The following NOL4L variants were observed in gnomAD, a reference collection of about 807,000 sequenced individuals.
NOL4L encodes the protein nucleolar protein 4 like, also known as nucleolar protein 4-like.
A neutral mutation model predicts 64.5 loss-of-function variants in NOL4L; 7 were observed. The observed-to-expected ratio is 0.11, with a 90% CI of 0.06 to 0.20. The LOEUF (loss-of-function observed/expected upper bound fraction) is 0.20, where lower values mean the gene tolerates loss of function less well. NOL4L is among the 10% of genes least tolerant of loss of function. NOL4L has a pLI of 1.00. For synonymous variants in NOL4L, 413 were observed against 401.0 expected (o/e 1.03, Z -0.36); for missense variants, 680 against 967.1 (o/e 0.70, Z 3.94).
chr20:32,493,541 A>T (rs1189178838), intron 4 of NOL4L, among the ~76,000 whole-genome samples: 1 of 152,166 alleles, frequency 6.6e-6, no homozygotes, highest in East Asian at 1.9e-4. Flanking sequence ...CCTCATCTCT[A>T]AAATGAGGAA....
At chr20:32,559,673 T>C (rs11908552) in intron 1 of NOL4L, among the ~76,000 whole-genome samples, 3,973 of 152,334 alleles carry the variant, frequency 0.026, 171 homozygotes, top group African/African-American at 0.088. Flanking sequence ...GCGCCAGGAC[T>C]GGAATGCATG....
Position 32,552,460 on chromosome 20 carries a change from G to A in NOL4L, c.322-24547C>T, listed in dbSNP as rs188951532. Among the ~76,000 whole-genome samples the A allele has an allele frequency of 1.4e-3, 207 of 152,294 alleles. 4 individuals carry two copies. The East Asian group carries it at 0.034, about 25-fold the overall frequency. Reference sequence around the variant, plus strand: ...CCAACACTTTGGGAGGCCAAGGCGGGCGGATGACCTGAGGTCAGGGGTTCA... The same window carrying A: ...CCAACACTTTGGGAGGCCAAGGCGGACGGATGACCTGAGGTCAGGGGTTCA... On this transcript the variant is annotated intron_variant, in intron 1 of 10. Coordinates refer to ENST00000621426, the MANE Select transcript of NOL4L (RefSeq NM_001256798.2).
intron 3 of NOL4L, 53 bp downstream of exon 3, chr20:32,520,758 G>T: frequency 8.7e-7 from 1 of 1,147,408 alleles, no homozygotes. Context: ...TTCAGGGACA[G>T]TCCACTCTTA....
rs1289687289 is a variant in NOL4L, at chr20:32,443,257, C to T, written c.*4339G>A. On this transcript the variant is annotated 3_prime_UTR_variant, in exon 11 of 11. Coordinates refer to ENST00000621426, the MANE Select transcript of NOL4L (RefSeq NM_001256798.2). ...GAGTCGGCCTGTGCTAGTCATTCCA[C>T]AAACAAAACAGAATTTAGTCACATC... The T allele has an allele frequency of 6.6e-6, 1 of 152,154 alleles. No individual in the cohort carries two copies. Among genetic ancestry groups the T allele is most frequent in the South Asian group, 2.1e-4 (1 of 4,822 alleles). The allele number at this position is 152,154 out of a possible 1,614,324, so 9.4% of individuals were successfully genotyped here. A position where few individuals can be genotyped will look rare whatever the true frequency, so the allele number is the denominator to read the frequency against.
At chr20:32,487,609 G>A (rs1409677574) in intron 4 of NOL4L, among the ~76,000 whole-genome samples, 1 of 152,162 alleles carries the variant, frequency 6.6e-6, no homozygotes, top group Non-Finnish European at 1.5e-5. Context: ...GGGAGGGCAG[G>A]AGGGATGAGC....
chr20:32,487,060 G>C (rs2016118677), intron 4 of NOL4L, among the ~76,000 whole-genome samples: 1 of 152,188 alleles, frequency 6.6e-6, no homozygotes, highest in South Asian at 2.1e-4. Context: ...CCTGAGGTCA[G>C]GGGTTCGAGA....
At chr20:32,553,994 C>T (rs1253449985) in intron 1 of NOL4L, among the ~76,000 whole-genome samples, 1 of 152,140 alleles carries the variant, frequency 6.6e-6, no homozygotes, top group Non-Finnish European at 1.5e-5. Context: ...CTAAACTGAC[C>T]CTACAATAAA....
chr20:32,509,876 T>A lies in NOL4L; in HGVS notation c.699+1471A>T. 2.3e-6 allele frequency: 3 copies of A among 1,304,320 alleles called. No individual in the cohort carries two copies. The South Asian group carries it at 3.7e-5, about 16-fold the overall frequency. The allele number at this position is 1,304,320 out of a possible 1,614,324, so 80.8% of individuals were successfully genotyped here. Reference sequence around the variant, plus strand: ...GTGCGGTTTTGTGCTTCATTCTTCATGGGCACAGATGAGCACGGTGATAAC... The same window carrying A: ...GTGCGGTTTTGTGCTTCATTCTTCAAGGGCACAGATGAGCACGGTGATAAC... On this transcript the variant is annotated intron_variant, in intron 4 of 10. Transcript: ENST00000621426.
chr20:32,511,711 G>C (rs1164984176), intron 3 of NOL4L, among the ~76,000 whole-genome samples: 2 of 152,176 alleles, frequency 1.3e-5, no homozygotes, highest in Non-Finnish European at 2.9e-5. Flanking sequence ...GAGGCCGGGC[G>C]TGCTGGCTCA....
intron 1 of NOL4L, among the ~76,000 whole-genome samples, chr20:32,559,300 T>G (rs1235760387): frequency 3.3e-5 from 5 of 152,152 alleles, no homozygotes; most frequent in Non-Finnish European, 7.4e-5. Flanking sequence ...CTTTTCCTTC[T>G]ATCCCCACAC....
At chr20:32,497,325 C>A (rs993836747) in intron 4 of NOL4L, among the ~76,000 whole-genome samples, 6 of 146,522 alleles carry the variant, frequency 4.1e-5, no homozygotes, top group African/African-American at 1.5e-4. Context: ...TGAAAAGGAC[C>A]CATCAGGCTG....
chr20:32,456,216 G>A lies in NOL4L; in HGVS notation c.1021C>T (p.Pro341Ser), dbSNP rs2013499195. The A allele has an allele frequency of 3.1e-6, 5 of 1,609,108 alleles. No individual in the cohort carries two copies. The East Asian group carries it at 1.1e-4, about 36-fold the overall frequency. Reference protein sequence around the residue: ...QPINLCDKLPPATALGTASYP... With the variant: ...QPINLCDKLPSATALGTASYP... ...GAGGCTGTGCCAAGTGCCGTGGCCG[G>A]CGGGAGCTTGTCACACAGGTTGATG... The change falls in exon 6 of 11, where the codon CCG becomes TCG. Residue 341 changes from proline to serine, a missense_variant. Pro to Ser is a moderately conservative substitution (Grantham distance 74). This residue lies in a region of NOL4L where 254 missense variants were observed against 238.7 expected (regional missense o/e 1.06). Transcript: ENST00000621426.
intron 2 of NOL4L, among the ~76,000 whole-genome samples, chr20:32,524,203 A>C (rs1424216070): frequency 6.6e-6 from 1 of 152,220 alleles, no homozygotes; most frequent in Non-Finnish European, 1.5e-5. Context: ...TGAGTTCAGG[A>C]AACTCTGTAG....
chr20:32,523,370 G>T (rs540462652), intron 2 of NOL4L, among the ~76,000 whole-genome samples: 2 of 152,156 alleles, frequency 1.3e-5, no homozygotes, highest in Admixed American at 6.5e-5. Flanking sequence ...CTGCACTGCC[G>T]TAGGGACCTG....
rs955579109 is a variant in NOL4L, at chr20:32,460,683, C to G, written c.842-4288G>C. ...CACATCATAACTCACCCACTGCCGA[C>G]GCACGAGGCTCCCAGACTGCAACGG... On this transcript the variant is annotated intron_variant, in intron 5 of 10. Coordinates refer to ENST00000621426, the MANE Select transcript of NOL4L (RefSeq NM_001256798.2). This position sits in a 1 kb window ranked among gnomAD's most constrained non-coding sequence, Gnocchi z 5.7. Among the ~76,000 whole-genome samples the G allele has an allele frequency of 6.6e-6, 1 of 152,206 alleles. No individual in the cohort carries two copies. Among genetic ancestry groups the G allele is most frequent in the African/African-American group, 2.4e-5 (1 of 41,446 alleles).
chr20:32,513,525 T>C (rs574850240), intron 3 of NOL4L, among the ~76,000 whole-genome samples: 21 of 152,220 alleles, frequency 1.4e-4, no homozygotes, highest in African/African-American at 4.8e-4. Flanking sequence ...TGGAAATAGA[T>C]AGTGGTGATG....
chr20:32,512,687 T>C (rs1196749756), intron 3 of NOL4L, among the ~76,000 whole-genome samples: 2 of 151,930 alleles, frequency 1.3e-5, no homozygotes, highest in Admixed American at 1.3e-4. Context: ...CAGTCTGCTT[T>C]TAAAAAGTTT....
intron 5 of NOL4L, among the ~76,000 whole-genome samples, chr20:32,457,326 G>A (rs940315706): frequency 1.3e-5 from 2 of 152,206 alleles, no homozygotes; most frequent in African/African-American, 4.8e-5. Flanking sequence ...TCACTGTCAG[G>A]TGAGCACCCG....
At chr20:32,539,876 T>C (rs74552601) in intron 1 of NOL4L, among the ~76,000 whole-genome samples, 6,911 of 152,126 alleles carry the variant, frequency 0.045, 227 homozygotes, top group Admixed American at 0.07. Context: ...GGGCATGGTG[T>C]GTTGGGGGCT....
Sources: gnomAD v4.1 joint callset for allele counts (sites outside exome capture counted in the v4.1 genomes callset) on GRCh38, gnomAD v4.1.1 for gene constraint, gnomAD v4.1.1 regional missense constraint, Gnocchi (gnomAD v3.1) non-coding constraint, MANE v1.5 for transcripts, NCBI Gene and HGNC (gene_info 2026-07-23, HGNC 2026-07-21) for gene names.